CFAP299: variants seen among roughly 807,000 people sequenced by gnomAD.
CFAP299 encodes cilia and flagella associated protein 299.
A neutral mutation model predicts 27.0 loss-of-function variants in CFAP299; 21 were observed. The observed-to-expected ratio is 0.78, with a 90% CI of 0.55 to 1.12. CFAP299 has a LOEUF of 1.12. Ranked by LOEUF, CFAP299 falls within the 50% of genes most tolerant of loss-of-function variation. The pLI is 0.00. For missense variants in CFAP299, 310 were observed against 276.6 expected, an observed-to-expected ratio of 1.12 and a Z score of -0.86; for synonymous variants, 104 against 98.1, an observed-to-expected ratio of 1.06 and a Z score of -0.36.
chr4:80,779,206 T>C (rs190055841), intron 3 of CFAP299, among the ~76,000 whole-genome samples: 8 of 152,288 alleles, frequency 5.3e-5, no homozygotes, highest in Admixed American at 4.6e-4. Flanking sequence ...ATCCAGCGTC[T>C]GTGCTCTTAA....
chr4:80,341,868 A>C (rs989246692), intron 1 of CFAP299, among the ~76,000 whole-genome samples: 1 of 152,300 alleles, frequency 6.6e-6, no homozygotes, highest in African/African-American at 2.4e-5. Context: ...GGTAATAATG[A>C]GCTTTGCTGA....
At chr4:80,608,920 AAGG>A (rs1737824384) in intron 3 of CFAP299, among the ~76,000 whole-genome samples, 4 of 151,660 alleles carry the variant, frequency 2.6e-5, no homozygotes, top group Admixed American at 6.6e-5. Flanking sequence ...GGATGATTAA[AAGG>A]AGAAGAATAA....
chr4:80,440,735 A>G (rs1560568639), intron 2 of CFAP299, among the ~76,000 whole-genome samples: 1 of 152,228 alleles, frequency 6.6e-6, no homozygotes, highest in Non-Finnish European at 1.5e-5. Flanking sequence ...AGTAGTCTTC[A>G]GAAGGTGGGT....
chr4:80,744,049 G>A (rs1163593240), intron 3 of CFAP299, among the ~76,000 whole-genome samples: 3 of 152,020 alleles, frequency 2.0e-5, no homozygotes, highest in Admixed American at 1.3e-4. Context: ...CTATAGATTA[G>A]ATTATTTCAT....
At chr4:80,873,356 A>G (rs1053199898) in intron 4 of CFAP299, among the ~76,000 whole-genome samples, 5 of 152,186 alleles carry the variant, frequency 3.3e-5, no homozygotes, top group African/African-American at 1.2e-4. Context: ...ATAAATGTCA[A>G]TAGACAGCTG....
At chr4:80,324,756 T>C in the CFAP299 span, among the ~76,000 whole-genome samples, 1 of 152,196 alleles carries the variant, frequency 6.6e-6, no homozygotes, top group Non-Finnish European at 1.5e-5. Flanking sequence ...CAGTTATATA[T>C]TGGAATATTT....
chr4:80,354,622 G>A (rs1206066108), intron 1 of CFAP299, among the ~76,000 whole-genome samples: 2 of 151,980 alleles, frequency 1.3e-5, no homozygotes, highest in Admixed American at 1.3e-4. Flanking sequence ...CTTCACCCAG[G>A]TATTAAACCT....
chr4:80,566,202 T>A (rs1257455032), intron 2 of CFAP299, among the ~76,000 whole-genome samples: 3 of 152,056 alleles, frequency 2.0e-5, no homozygotes, highest in African/African-American at 7.2e-5. Context: ...CAAACTTATA[T>A]CCCAGTATTT....
intron 2 of CFAP299, among the ~76,000 whole-genome samples, chr4:80,558,689 A>G (rs1372710825): frequency 6.6e-6 from 1 of 152,102 alleles, no homozygotes; most frequent in East Asian, 1.9e-4. Context: ...GGAAAAAAAA[A>G]AGGAAAACTT....
Position 80,782,664 on chromosome 4 carries a change from CATATATAATAT to C in CFAP299, c.334-87327_334-87317del, listed in dbSNP as rs1560749224. On this transcript the variant is annotated intron_variant, in intron 3 of 5. Coordinates refer to ENST00000358105, the MANE Select transcript of CFAP299 (RefSeq NM_152770.3). Reference sequence around the variant, plus strand: ...TACATATATGAATATATAATATATTCATATATAATATACATATATGAATATATAATATATTC... The same window carrying C: ...TACATATATGAATATATAATATATTCACATATATGAATATATAATATATTC... Among the ~76,000 whole-genome samples, 203 of 117,020 alleles carry C rather than the reference CATATATAATAT, an allele frequency of 1.7e-3. 1 individual carries two copies. Among genetic ancestry groups the C allele is most frequent in the African/African-American group, 6.2e-3 (192 of 30,836 alleles). The allele number at this position is 117,020 out of a possible 152,430, so 76.8% of individuals were successfully genotyped here.
In CFAP299 at chr4:80,892,185, G is replaced by A. The variant is rs1274470161; in HGVS notation, c.476+22050G>A. On this transcript the variant is annotated intron_variant, in intron 4 of 5. Transcript: ENST00000358105. ...ATATAGACCAGTGAGACAGAATAGA[G>A]AACCCGGAGACAAATCCCCACACCT... is the stretch of plus-strand genomic sequence containing the variant. Among the ~76,000 whole-genome samples the A allele has an allele frequency of 7.2e-5, 11 of 152,116 alleles. No individual in the cohort carries two copies. The East Asian group carries it at 2.1e-3, about 29-fold the overall frequency.
chr4:80,706,910 C>T (rs559095206), intron 3 of CFAP299, among the ~76,000 whole-genome samples: 29 of 151,892 alleles, frequency 1.9e-4, no homozygotes, highest in African/African-American at 6.3e-4. Context: ...TGGAAGTAGG[C>T]GTGAATATAC....
intron 2 of CFAP299, among the ~76,000 whole-genome samples, chr4:80,440,961 A>C (rs1298874200): frequency 6.6e-6 from 1 of 152,226 alleles, no homozygotes; most frequent in Non-Finnish European, 1.5e-5. Flanking sequence ...AAGATATCAG[A>C]GATGGAAGAT....
intron 3 of CFAP299, among the ~76,000 whole-genome samples, chr4:80,703,819 C>T (rs900255902): frequency 2.6e-5 from 4 of 151,642 alleles, no homozygotes; most frequent in African/African-American, 9.7e-5. Flanking sequence ...ATTTCTATGT[C>T]TTAGCTCATC....
chr4:80,383,612 A>G (rs1003890640), intron 2 of CFAP299, among the ~76,000 whole-genome samples: 2 of 152,174 alleles, frequency 1.3e-5, no homozygotes, highest in Admixed American at 1.3e-4. Flanking sequence ...AAATTTTGTA[A>G]TGTTTTATTG....
chr4:80,638,298 G>A (rs114069114), intron 3 of CFAP299, among the ~76,000 whole-genome samples: 4 of 152,214 alleles, frequency 2.6e-5, no homozygotes, highest in South Asian at 2.1e-4. Context: ...TTATGCCAAC[G>A]GGCTCCAATT....
At chr4:80,854,552 T>C (rs1731714744) in intron 3 of CFAP299, among the ~76,000 whole-genome samples, 1 of 151,914 alleles carries the variant, frequency 6.6e-6, no homozygotes, top group South Asian at 2.1e-4. Flanking sequence ...CCAGCCATTA[T>C]AACAGGATGA....
chr4:80,667,175 G>GT lies in CFAP299; in HGVS notation c.333+83999dup, dbSNP rs532305032. Among the ~76,000 whole-genome samples, 97 of 151,898 alleles carry GT rather than the reference G, an allele frequency of 6.4e-4. 2 individuals are homozygous for GT. The South Asian group carries it at 0.013, about 21-fold the overall frequency. On this transcript the variant is annotated intron_variant, in intron 3 of 5. Coordinates refer to ENST00000358105, the MANE Select transcript of CFAP299 (RefSeq NM_152770.3). The stretch of plus-strand genomic sequence containing the variant: ...AAAAGTCATAGTGTTTGAATTATTT[G>GT]TTTTTTTATGTTCTCTTTTCAATTT...
rs560029936 is a variant in CFAP299 at position 80,687,433 on chromosome 4, G to C, written c.333+104250G>C. On this transcript the variant is annotated intron_variant, in intron 3 of 5. Coordinates refer to ENST00000358105, the MANE Select transcript of CFAP299 (RefSeq NM_152770.3). ...AGACCTATGGAAGATAAAATTACTAGCTAAAATTGCAATTGTAGAAAATTT... is the reference window on the plus strand; with the variant it reads ...AGACCTATGGAAGATAAAATTACTACCTAAAATTGCAATTGTAGAAAATTT... 5.3e-5 allele frequency among the ~76,000 whole-genome samples: 8 copies of C among 152,208 alleles called. No homozygotes were observed. In the East Asian group the frequency reaches 1.2e-3, roughly 22 times the overall value.
Sources: allele counts gnomAD v4.1 joint callset (sites outside exome capture counted in the v4.1 genomes callset), GRCh38; gene constraint gnomAD v4.1.1; transcripts MANE v1.5; gene names NCBI Gene and HGNC (gene_info 2026-07-23, HGNC 2026-07-21).